Variants in ZNF83 observed in about 807,000 individuals in gnomAD.
ZNF83 encodes the protein zinc finger protein 816B.
For missense variants in ZNF83, 552 were observed against 629.9 expected (o/e 0.88, Z 1.32); for synonymous variants, 209 against 213.0 (o/e 0.98, Z 0.17).
chr19:52,619,626 C>CAA lies in ZNF83; in HGVS notation c.-233-4831_-233-4830dup, dbSNP rs34008173. 8.5e-3 allele frequency among the ~76,000 whole-genome samples: 955 copies of CAA among 111,894 alleles called. 9 individuals carry two copies. The highest frequency in any genetic ancestry group is 0.028 in the African/African-American group (844 of 30,052). The allele number at this position is 111,894 out of a possible 152,430, so 73.4% of individuals were successfully genotyped here. On this transcript the variant is annotated intron_variant, in intron 2 of 2. Transcript: ENST00000301096. ...GGGCAACAGAGTGAGACTCCATCTCCAAAAAAAAAAAAAAATGTTAGAAAC... is the reference window on the plus strand; with the variant it reads ...GGGCAACAGAGTGAGACTCCATCTCCAAAAAAAAAAAAAAAAATGTTAGAAAC...
At chr19:52,681,402 C>A (rs1026633230) in intron 1 of ZNF83, among the ~76,000 whole-genome samples, 6 of 150,602 alleles carry the variant, frequency 4.0e-5, no homozygotes, top group African/African-American at 1.5e-4. Flanking sequence ...CTAGAGAGGA[C>A]AAAGTCCAAT....
chr19:52,649,320 G>A (rs757720226), intron 3 of ZNF83, among the ~76,000 whole-genome samples: 5 of 152,016 alleles, frequency 3.3e-5, no homozygotes, highest in Non-Finnish European at 7.4e-5. Context: ...CTTTTGTATC[G>A]TTTTATAAAA....
At chr19:52,671,687 C>T (rs529816355) in intron 1 of ZNF83, among the ~76,000 whole-genome samples, 2 of 152,310 alleles carry the variant, frequency 1.3e-5, no homozygotes, top group African/African-American at 4.8e-5. Flanking sequence ...AAGCGATCAA[C>T]CCACCTTTGC....
At chr19:52,652,576 T>C in intron 3 of ZNF83, 1 of 432,176 alleles carries the variant, frequency 2.3e-6, no homozygotes, top group Non-Finnish European at 4.7e-6. Flanking sequence ...CTTTCCAGTA[T>C]GAGTTCACTG....
chr19:52,679,969 T>C (rs1400055499), intron 1 of ZNF83, among the ~76,000 whole-genome samples: 1 of 151,798 alleles, frequency 6.6e-6, no homozygotes, highest in Non-Finnish European at 1.5e-5. Flanking sequence ...TCACCTGAGG[T>C]TGGGGTTCGA....
chr19:52,614,351 C>A lies in ZNF83; in HGVS notation c.214G>T (p.Glu72Ter). 1 of 1,612,694 alleles carries A rather than the reference C, an allele frequency of 6.2e-7. No individual in the cohort carries two copies. Among genetic ancestry groups the A allele is most frequent in the Non-Finnish European group, 8.5e-7 (1 of 1,178,804 alleles). Residue 72 changes from glutamate (E) to a stop codon, truncating the protein, a stop_gained, in exon 3 of 3, where the codon GAA becomes TAA. Coordinates refer to ENST00000301096, the Ensembl canonical transcript of ZNF83. LOFTEE classifies it low-confidence loss of function (END_TRUNC). ...AATAATGAATCCACAAAATTACATT[C>A]ATATGTATGAGAAATGTGGGTTTTG...
chr19:52,627,447 A>C (rs2060786889), intron 2 of ZNF83, among the ~76,000 whole-genome samples: 1 of 152,074 alleles, frequency 6.6e-6, no homozygotes. Context: ...GGATCACCTG[A>C]GGTCAGGAAT....
intron 3 of ZNF83, chr19:52,652,464 T>G (rs2061454518): frequency 7.2e-6 from 3 of 414,942 alleles, no homozygotes; most frequent in Non-Finnish European, 9.6e-6. Flanking sequence ...CTGCCACAAT[T>G]ATCACAGTTG....
intron 2 of ZNF83, among the ~76,000 whole-genome samples, chr19:52,633,424 G>A (rs1479673583): frequency 1.3e-5 from 2 of 152,080 alleles, no homozygotes; most frequent in African/African-American, 2.4e-5. Context: ...ATTTACTGCC[G>A]TTTTTTCCTA....
Position 52,678,323 on chromosome 19 carries a change from G to A in ZNF83, c.-283+12120C>T, listed in dbSNP as rs1258662648. On this transcript the variant is annotated intron_variant, in intron 1 of 5. Transcript: ENST00000594682. The stretch of plus-strand genomic sequence containing the variant: ...AAATTAGCCAGGCATGGTGGCAGGC[G>A]CCTATAATCCCAGTTACTTGGGAGG... Among the ~76,000 whole-genome samples the A allele has an allele frequency of 4.0e-5, 6 of 150,888 alleles. No homozygotes were observed. The East Asian group carries it at 7.9e-4, about 20-fold the overall frequency.
intron 2 of ZNF83, among the ~76,000 whole-genome samples, chr19:52,657,334 G>A (rs2061519688): frequency 6.6e-6 from 1 of 152,012 alleles, no homozygotes; most frequent in South Asian, 2.1e-4. Flanking sequence ...TTAGTGAAAA[G>A]GGGACAGGTG....
At chr19:52,640,713 C>T (rs533270943), upstream of ZNF83, among the ~76,000 whole-genome samples, 3 of 152,228 alleles carry the variant, frequency 2.0e-5, no homozygotes, top group South Asian at 4.1e-4. Context: ...TGCGCTGCCC[C>T]AGACTGAGGG....
At chr19:52,631,072 C>T (rs1052428709) in intron 2 of ZNF83, among the ~76,000 whole-genome samples, 51 of 145,318 alleles carry the variant, frequency 3.5e-4, no homozygotes, top group East Asian at 3.0e-3. Context: ...AGCCTCTCTT[C>T]GCTTTCACTT....
intron 2 of ZNF83, among the ~76,000 whole-genome samples, chr19:52,659,990 AG>A (rs2061558159): frequency 1.3e-5 from 2 of 152,172 alleles, no homozygotes; most frequent in Non-Finnish European, 2.9e-5. Flanking sequence ...CAGGAGTTCG[AG>A]ACCAGTCTGG....
At chr19:52,652,892 T>G (rs1246989363) in intron 3 of ZNF83, 2 of 1,086,092 alleles carry the variant, frequency 1.8e-6, no homozygotes, top group African/African-American at 3.1e-5. Context: ...TCATTGCACT[T>G]GTAAGGTTTC....
chr19:52,677,093 CCT>C (rs1195367425), intron 1 of ZNF83, among the ~76,000 whole-genome samples: 1 of 145,582 alleles, frequency 6.9e-6, no homozygotes, highest in Non-Finnish European at 1.5e-5. Context: ...GCCAAATCCC[CCT>C]CTGTGAGAAA....
chr19:52,614,482 AGTTCTG>A, exon 3 of ZNF83: 1 of 1,611,422 alleles, frequency 6.2e-7, no homozygotes, highest in Non-Finnish European at 8.5e-7. Context: ...AAATAGCTGC[AGTTCTG>A]GTAGATGTGA....
At chr19:52,685,673 G>A (rs568248559) in intron 1 of ZNF83, among the ~76,000 whole-genome samples, 1 of 152,228 alleles carries the variant, frequency 6.6e-6, no homozygotes, top group South Asian at 2.1e-4. Context: ...GAGGTGGGCA[G>A]ATCACCTGAG....
At chr19:52,639,396 T>A (rs954216891), upstream of ZNF83, among the ~76,000 whole-genome samples, 2 of 146,636 alleles carry the variant, frequency 1.4e-5, no homozygotes, top group Non-Finnish European at 3.0e-5. Flanking sequence ...TATTTTCTTT[T>A]ATATATTTAG....
Sources: allele counts gnomAD v4.1 joint callset (sites outside exome capture counted in the v4.1 genomes callset), GRCh38; gene constraint gnomAD v4.1.1; transcripts MANE v1.5; gene names NCBI Gene and HGNC (gene_info 2026-07-23, HGNC 2026-07-21).